Variants in SLC7A2 observed in about 807,000 individuals in gnomAD.
The protein encoded by SLC7A2 is cationic amino acid transporter 2.
SLC7A2 carries 48 observed loss-of-function variants against 58.9 expected under a neutral mutation model. The ratio of observed to expected loss-of-function variants is 0.82; its 90% CI spans 0.65 to 1.04. SLC7A2 has a LOEUF of 1.04. Ranked by LOEUF, SLC7A2 falls within the 50% of genes least tolerant of loss-of-function variation. The pLI is 0.00. For synonymous variants in SLC7A2, 363 were observed against 314.5 expected (o/e 1.15, Z -1.63); for missense variants, 1,029 against 818.8 (o/e 1.26, Z -3.13).
At chr8:17,505,436 G>C (rs1800326272) in intron 2 of SLC7A2, among the ~76,000 whole-genome samples, 1 of 152,122 alleles carries the variant, frequency 6.6e-6, no homozygotes. Flanking sequence ...GGGTCACTCT[G>C]AGTCACAGAG....
chr8:17,545,080 A>T (rs913346172), intron 4 of SLC7A2, among the ~76,000 whole-genome samples: 1 of 152,134 alleles, frequency 6.6e-6, no homozygotes, highest in Admixed American at 6.5e-5. Context: ...TCATTTTGTA[A>T]TGTCGACATT....
At chr8:17,526,651 A>G (rs1368231397) in intron 2 of SLC7A2, among the ~76,000 whole-genome samples, 1 of 152,080 alleles carries the variant, frequency 6.6e-6, no homozygotes, top group Non-Finnish European at 1.5e-5. Flanking sequence ...AGTCACCTTT[A>G]TTTTCAAACT....
intron 2 of SLC7A2, among the ~76,000 whole-genome samples, chr8:17,506,268 T>G (rs778970659): frequency 1.3e-5 from 2 of 152,168 alleles, no homozygotes; most frequent in Non-Finnish European, 2.9e-5. Flanking sequence ...TGCTTTAAAC[T>G]CTCTTGAAAC....
At chr8:17,499,559 A>T (rs1800075202) in intron 1 of SLC7A2, among the ~76,000 whole-genome samples, 1 of 150,164 alleles carries the variant, frequency 6.7e-6, no homozygotes, top group Non-Finnish European at 1.5e-5. Flanking sequence ...ATATGAACAC[A>T]CTGATTTTAA....
At chr8:17,520,816 A>AT (rs2150688377) in intron 2 of SLC7A2, 1 of 529,038 alleles carries the variant, frequency 1.9e-6, no homozygotes, top group East Asian at 1.5e-4. Flanking sequence ...ATAGAGCAGC[A>AT]TGTTTATTTT....
chr8:17,544,225 A>G (rs1186487532), intron 3 of SLC7A2, among the ~76,000 whole-genome samples: 7 of 152,210 alleles, frequency 4.6e-5, no homozygotes, highest in East Asian at 1.9e-4. Context: ...TGGGCTTGCA[A>G]ACTTTTTAAG....
chr8:17,507,999 TA>T (rs1340900049), intron 2 of SLC7A2, among the ~76,000 whole-genome samples: 6 of 152,196 alleles, frequency 3.9e-5, no homozygotes, highest in African/African-American at 1.2e-4. Context: ...AATCTAAAAA[TA>T]AAAAGACTTT....
chr8:17,548,934 G>A lies in SLC7A2; in HGVS notation c.698+91G>A, dbSNP rs891056038. 6.6e-6 allele frequency: 7 copies of A among 1,057,314 alleles called. No individual in the cohort carries two copies. The Admixed American group carries it at 1.3e-4, about 20-fold the overall frequency. The allele number at this position is 1,057,314 out of a possible 1,614,324, so 65.5% of individuals were successfully genotyped here. ...AGTTCATTTTTACTCTGCTAATAAAGACATACCCATGACTGGGTAATTTAT... is the reference window on the plus strand; with the variant it reads ...AGTTCATTTTTACTCTGCTAATAAAAACATACCCATGACTGGGTAATTTAT... On this transcript the variant is annotated intron_variant, in intron 5 of 12. Transcript: ENST00000494857.
chr8:17,538,054 C>T (rs1403488766), intron 2 of SLC7A2, among the ~76,000 whole-genome samples: 1 of 152,328 alleles, frequency 6.6e-6, no homozygotes, highest in African/African-American at 2.4e-5. Flanking sequence ...TCTTTACAGA[C>T]TTCCCAGAAT....
intron 2 of SLC7A2, among the ~76,000 whole-genome samples, chr8:17,507,273 T>C (rs1800407585): frequency 6.6e-6 from 1 of 152,172 alleles, no homozygotes; most frequent in Non-Finnish European, 1.5e-5. Flanking sequence ...TGGGGATCAG[T>C]ACAATTACAA....
intron 2 of SLC7A2, among the ~76,000 whole-genome samples, chr8:17,536,030 G>A (rs1486583028): frequency 2.0e-5 from 3 of 151,748 alleles, no homozygotes; most frequent in African/African-American, 7.3e-5. Flanking sequence ...AAATATTCCC[G>A]GTGCTTCCCT....
chr8:17,496,902 C>G (rs1408743296), upstream of SLC7A2, among the ~76,000 whole-genome samples: 1 of 151,864 alleles, frequency 6.6e-6, no homozygotes, highest in Non-Finnish European at 1.5e-5. Context: ...GTGCTCGGCT[C>G]CAGGCAAACC....
At chr8:17,557,954 C>T (rs1464536199) in intron 8 of SLC7A2, among the ~76,000 whole-genome samples, 1 of 152,110 alleles carries the variant, frequency 6.6e-6, no homozygotes, top group Non-Finnish European at 1.5e-5. Flanking sequence ...AAGGAGCTAG[C>T]CAGTATTTCC....
chr8:17,514,192 A>G (rs529947895), intron 2 of SLC7A2, among the ~76,000 whole-genome samples: 1 of 152,138 alleles, frequency 6.6e-6, no homozygotes, highest in Non-Finnish European at 1.5e-5. Flanking sequence ...AGTAACAGAC[A>G]TGAATGAAAC....
intron 2 of SLC7A2, among the ~76,000 whole-genome samples, chr8:17,535,680 A>C (rs11990037): frequency 0.01 from 1,592 of 152,310 alleles, 15 homozygotes; most frequent in African/African-American, 0.021. Context: ...AGACAGGCGG[A>C]TCACTTGAGG....
At chr8:17,505,579 G>A (rs2588210) in intron 2 of SLC7A2, among the ~76,000 whole-genome samples, 133,150 of 152,194 alleles carry the variant, frequency 0.87, 59,443 homozygotes, top group Non-Finnish European at 0.97. Context: ...TCTTAGACTC[G>A]TAGATTTCAA....
intron 2 of SLC7A2, among the ~76,000 whole-genome samples, chr8:17,540,911 C>T (rs546913642): frequency 1.3e-5 from 2 of 152,062 alleles, no homozygotes; most frequent in Non-Finnish European, 2.9e-5. Flanking sequence ...ATGCAATAGT[C>T]GTAGAATTTA....
At position 17,562,088 on chromosome 8, in the gene SLC7A2, A is replaced by T; in HGVS notation, c.1649A>T (p.Asn550Ile). ...IVLTIWRQPQ[N>I]QQKVAFMVPF... ...CTCACCATCTGGAGGCAGCCCCAGA[A>T]TCAGCAAAAAGTAGCCTTCATGGTA... is the stretch of plus-strand genomic sequence containing the variant. The change falls in exon 11 of 13, where the codon AAT becomes ATT. Residue 550 changes from asparagine to isoleucine, a missense_variant. Physicochemically the swap from Asn to Ile is moderately radical, Grantham distance 149 (BLOSUM62 -3). Coordinates refer to ENST00000494857, the MANE Select transcript of SLC7A2 (RefSeq NM_001370338.1). 1.2e-6 allele frequency: 2 copies of T among 1,613,618 alleles called. No individual in the cohort carries two copies. Among genetic ancestry groups the T allele is most frequent in the Non-Finnish European group, 8.5e-7 (1 of 1,179,944 alleles).
intron 2 of SLC7A2, among the ~76,000 whole-genome samples, chr8:17,534,863 A>C (rs1222205681): frequency 6.6e-6 from 1 of 152,126 alleles, no homozygotes; most frequent in African/African-American, 2.4e-5. Flanking sequence ...AATAGTCTAC[A>C]AATCCGTGTG....
Sources: gnomAD v4.1 joint callset for allele counts (sites outside exome capture counted in the v4.1 genomes callset) on GRCh38, gnomAD v4.1.1 for gene constraint, MANE v1.5 for transcripts, NCBI Gene and HGNC (gene_info 2026-07-23, HGNC 2026-07-21) for gene names.